The following LPIN1 variants were observed in gnomAD, a reference collection of about 807,000 sequenced individuals.
LPIN1 encodes the protein lipin 1, also known as phosphatidate phosphatase LPIN1.
LPIN1 carries 71 observed loss-of-function variants against 107.5 expected under a neutral mutation model. The observed-to-expected ratio is 0.66, with a 90% CI of 0.55 to 0.80. The LOEUF is 0.80. Ranked by LOEUF, LPIN1 falls within the 30% of genes least tolerant of loss-of-function variation. The pLI, the probability that LPIN1 is intolerant of heterozygous loss-of-function variation, is 0.00. For synonymous variants in LPIN1, 445 were observed against 452.6 expected, an observed-to-expected ratio of 0.98 and a Z score of 0.21; for missense variants, 1,043 against 1,160.6, an observed-to-expected ratio of 0.90 and a Z score of 1.47.
chr2:11,775,260 C>T (rs1295317073), intron 5 of LPIN1, among the ~76,000 whole-genome samples: 3 of 152,032 alleles, frequency 2.0e-5, no homozygotes, highest in Non-Finnish European at 4.4e-5. Context: ...TTCTCTAGGT[C>T]TGTGGAGATA....
intron 7 of LPIN1, among the ~76,000 whole-genome samples, chr2:11,781,586 A>G (rs1293966654): frequency 6.6e-6 from 1 of 152,242 alleles, no homozygotes; most frequent in Non-Finnish European, 1.5e-5. Flanking sequence ...ACCAACTGTC[A>G]CCAAATCTTT....
At position 11,771,637 on chromosome 2, in the gene LPIN1, A is replaced by G; in HGVS notation, c.554A>G (p.Glu185Gly). Residue 185 changes from glutamate (E) to glycine (G), a missense_variant, in exon 4 of 21, where the codon GAG becomes GGG. Glu to Gly is a moderately conservative substitution (Grantham distance 98). Coordinates refer to ENST00000674199, the MANE Select transcript of LPIN1 (RefSeq NM_001349206.2). The surrounding 1 kb of genome is among the most constrained non-coding windows in gnomAD (Gnocchi z 4.8). Reference protein sequence around the residue: ...TSEDEDMFPIEMSSDEAMELL... With the variant: ...TSEDEDMFPIGMSSDEAMELL... ...GAGGATGAGGACATGTTCCCCATCGAGATGAGCTCGGATGAGGCCATGGAG... is the reference window on the plus strand; with the variant it reads ...GAGGATGAGGACATGTTCCCCATCGGGATGAGCTCGGATGAGGCCATGGAG... The G allele has an allele frequency of 6.2e-7, 1 of 1,603,312 alleles. No individual in the cohort carries two copies. Among genetic ancestry groups the G allele is most frequent in the South Asian group, 1.1e-5 (1 of 89,028 alleles).
At chr2:11,690,995 T>A (rs529395812) in intron 1 of LPIN1, among the ~76,000 whole-genome samples, 1 of 152,258 alleles carries the variant, frequency 6.6e-6, no homozygotes, top group Non-Finnish European at 1.5e-5. Flanking sequence ...TGTAAGTCTA[T>A]ATTCCAAATA....
At chr2:11,792,948 G>A (rs1676041630) in intron 13 of LPIN1, among the ~76,000 whole-genome samples, 1 of 152,156 alleles carries the variant, frequency 6.6e-6, no homozygotes, top group Admixed American at 6.5e-5. Flanking sequence ...GGTCCTCAAA[G>A]CTCATGTTAG....
rs773903557 is a variant in LPIN1, at chr2:11,803,046, T to G, written c.2013+13T>G. 3 of 1,612,084 alleles carry G rather than the reference T, an allele frequency of 1.9e-6. No homozygotes were observed. Among genetic ancestry groups the G allele is most frequent in the South Asian group, 2.2e-5 (2 of 91,006 alleles). On this transcript the variant is annotated intron_variant, in intron 15 of 20. Transcript: ENST00000674199. The surrounding 1 kb of genome is among the most constrained non-coding windows in gnomAD (Gnocchi z 4.2). ...TTCCGAGCAGCTTGTGAGTCTCCCA[T>G]GCTTGGCGCGGCTGTGTTGTGAGCA...
At chr2:11,682,709 G>A (rs1374944873) in intron 1 of LPIN1, 5 of 152,146 alleles carry the variant, frequency 3.3e-5, no homozygotes. Flanking sequence ...TCCTGCTCCA[G>A]TAAATGTCAC....
intron 1 of LPIN1, among the ~76,000 whole-genome samples, chr2:11,713,199 A>C (rs13386239): frequency 0.15 from 23,511 of 152,186 alleles, 2,016 homozygotes; most frequent in East Asian, 0.3. Context: ...AGAGACAGGG[A>C]GTTTCCAACC....
chr2:11,730,411 T>C (rs1032850889), intron 1 of LPIN1, among the ~76,000 whole-genome samples: 3 of 152,214 alleles, frequency 2.0e-5, no homozygotes, highest in African/African-American at 4.8e-5. Flanking sequence ...TCTGTTACAT[T>C]GTATACCTTA....
intron 1 of LPIN1, among the ~76,000 whole-genome samples, chr2:11,733,501 T>TC (rs1665475034): frequency 5.5e-5 from 8 of 145,290 alleles, no homozygotes; most frequent in African/African-American, 1.0e-4. Flanking sequence ...CTCTCTCTCT[T>TC]TTTTTTTTTT....
intron 6 of LPIN1, among the ~76,000 whole-genome samples, chr2:11,778,278 G>A (rs1471056351): frequency 6.6e-6 from 1 of 152,236 alleles, no homozygotes; most frequent in African/African-American, 2.4e-5. Flanking sequence ...GAAAGAGAGC[G>A]TGCAGGCTGC....
intron 13 of LPIN1, 99 bp from the exon 14 acceptor site, chr2:11,795,309 T>TA (rs1453090968): frequency 1.0e-6 from 1 of 964,750 alleles, no homozygotes; most frequent in Non-Finnish European, 1.7e-6. Context: ...GGTCTATCTT[T>TA]AGGGGTCCTG....
intron 14 of LPIN1, among the ~76,000 whole-genome samples, chr2:11,796,663 A>G (rs534330366): frequency 4.6e-5 from 7 of 152,280 alleles, no homozygotes; most frequent in African/African-American, 1.2e-4. Context: ...CACAGGCACA[A>G]GAAAGAATAG....
rs370598960 is a variant in LPIN1 at position 11,726,608 on chromosome 2, C to G, written c.-72+2069C>G. ...CAGCACCCTCTCAGCCCTCCTCCCC[C>G]TCCCAAACTCCTCGAGCCTCTGGGA... On this transcript the variant is annotated intron_variant, in intron 1 of 21. Coordinates refer to the LPIN1 transcript ENST00000396097. Among the ~76,000 whole-genome samples, 112 of 152,296 alleles carry G rather than the reference C, an allele frequency of 7.4e-4. 1 individual carries two copies. The East Asian group carries it at 9.6e-3, about 13-fold the overall frequency.
intron 14 of LPIN1, among the ~76,000 whole-genome samples, chr2:11,796,134 T>C (rs989593921): frequency 6.6e-6 from 1 of 152,244 alleles, no homozygotes. Context: ...TCTTACTTCA[T>C]GTTTACAGTA....
intron 14 of LPIN1, among the ~76,000 whole-genome samples, chr2:11,797,066 G>A (rs1676849407): frequency 1.3e-5 from 2 of 152,222 alleles, no homozygotes; most frequent in South Asian, 4.1e-4. Context: ...ACAAAGATGC[G>A]AAACTGCGTG....
chr2:11,741,552 C>A, intron 2 of LPIN1: 2 of 737,856 alleles, frequency 2.7e-6, no homozygotes, highest in Non-Finnish European at 2.2e-6. Context: ...GCCACTCGAG[C>A]TCAGGAGTTT....
intron 4 of LPIN1, among the ~76,000 whole-genome samples, chr2:11,772,021 TG>T (rs1399757790): frequency 6.6e-6 from 1 of 152,176 alleles, no homozygotes; most frequent in Non-Finnish European, 1.5e-5. Context: ...GGTCCCATCT[TG>T]GGGGTGATGG....
chr2:11,799,310 G>T (rs771401231), intron 14 of LPIN1, among the ~76,000 whole-genome samples: 1 of 151,786 alleles, frequency 6.6e-6, no homozygotes, highest in East Asian at 1.9e-4. Context: ...TCCTCATCCC[G>T]CCGGCAGAGG....
chr2:11,678,788 G>A (rs1661559832), intron 1 of LPIN1, among the ~76,000 whole-genome samples: 1 of 152,190 alleles, frequency 6.6e-6, no homozygotes, highest in Non-Finnish European at 1.5e-5. Context: ...TTGCAGCTTG[G>A]CCCTTTGGGC....
Sources: gnomAD v4.1 joint callset for allele counts (sites outside exome capture counted in the v4.1 genomes callset) on GRCh38, gnomAD v4.1.1 for gene constraint, Gnocchi (gnomAD v3.1) non-coding constraint, MANE v1.5 for transcripts, NCBI Gene and HGNC (gene_info 2026-07-23, HGNC 2026-07-21) for gene names.